The following PCDHGA1 variants were observed in gnomAD, a reference collection of about 807,000 sequenced individuals.
The protein encoded by PCDHGA1 is protocadherin gamma subfamily A, 1.
Under a neutral mutation model 58.0 loss-of-function variants are expected in PCDHGA1, and 32 were observed. The observed-to-expected ratio is 0.55, with a 90% CI of 0.42 to 0.74. The LOEUF is 0.74. PCDHGA1 is among the 30% of genes least tolerant of loss of function. The probability of loss-of-function intolerance (pLI) is 0.00; values close to 1 mark genes in which losing one functional copy is unlikely to be tolerated. For synonymous variants in PCDHGA1, 498 were observed against 501.1 expected, an observed-to-expected ratio of 0.99 and a Z score of 0.08; for missense variants, 1,205 against 1,182.3, an observed-to-expected ratio of 1.02 and a Z score of -0.28.
chr5:141,407,959 G>T, intron 1 of PCDHGA1: 1 of 668,062 alleles, frequency 1.5e-6, no homozygotes, highest in South Asian at 2.3e-5. Flanking sequence ...CCAGTGCAGA[G>T]CAAGCGCTGA....
At chr5:141,480,722 C>T (rs1002559431) in intron 1 of PCDHGA1, among the ~76,000 whole-genome samples, 1 of 152,174 alleles carries the variant, frequency 6.6e-6, no homozygotes, top group African/African-American at 2.4e-5. Flanking sequence ...AAAGCACAGT[C>T]TCTGGGGGTG....
At chr5:141,410,161 ACT>A (rs758781174) in intron 1 of PCDHGA1, 27 of 1,613,102 alleles carry the variant, frequency 1.7e-5, no homozygotes, top group South Asian at 1.1e-5. Flanking sequence ...GACAGCCGCC[ACT>A]CTCTGCCACC....
At chr5:141,336,073 C>A (rs933621868) in intron 1 of PCDHGA1, among the ~76,000 whole-genome samples, 1 of 151,868 alleles carries the variant, frequency 6.6e-6, no homozygotes, top group Non-Finnish European at 1.5e-5. Flanking sequence ...TGAGTATATA[C>A]TAAAATAAAA....
rs989554651 is a variant in PCDHGA1 at position 141,372,743 on chromosome 5, T to C, written c.2421+39638T>C. 8 of 1,613,498 alleles carry C rather than the reference T, an allele frequency of 5.0e-6. No homozygotes were observed. In the Admixed American group the frequency reaches 5.0e-5, roughly 10 times the overall value. On this transcript the variant is annotated intron_variant, in intron 1 of 3. Transcript: ENST00000517417. ...CTGCACCACAAGATCTTCTATGTGA[T>C]GAAGCCTCTTGGTTTGAAAGTAATG...
intron 1 of PCDHGA1, chr5:141,475,926 G>C: frequency 4.8e-6 from 3 of 619,440 alleles, no homozygotes; most frequent in East Asian, 2.9e-5. Context: ...GCTGGAGATC[G>C]GGCCCCTGCC....
intron 1 of PCDHGA1, chr5:141,419,027 GTTCCAT>G: frequency 6.2e-7 from 1 of 1,613,870 alleles, no homozygotes; most frequent in Non-Finnish European, 8.5e-7. Context: ...AAGTAGAGGT[GTTCCAT>G]TTAAGATTCA....
chr5:141,361,812 G>C, intron 1 of PCDHGA1: 1 of 1,613,072 alleles, frequency 6.2e-7, no homozygotes, highest in Non-Finnish European at 8.5e-7. Context: ...ATGACAATGC[G>C]CCACGGGTGC....
At chr5:141,428,120 C>A in intron 1 of PCDHGA1, 1 of 1,606,526 alleles carries the variant, frequency 6.2e-7, no homozygotes, top group Non-Finnish European at 8.5e-7. Flanking sequence ...CCATCGAGCC[C>A]GGGCTTTTCA....
intron 1 of PCDHGA1, chr5:141,399,059 A>G (rs769553635): frequency 1.2e-6 from 2 of 1,613,764 alleles, no homozygotes; most frequent in Middle Eastern, 1.6e-4. Context: ...ACCAAGGAAT[A>G]TTCAATGGTT....
chr5:141,331,665 C>T lies in PCDHGA1; in HGVS notation c.981C>T (p.Leu327=), dbSNP rs747216973. The T allele has an allele frequency of 3.1e-6, 5 of 1,614,066 alleles. No homozygotes were observed. Among genetic ancestry groups the T allele is most frequent in the South Asian group, 1.1e-5 (1 of 91,080 alleles). Residue 327 remains leucine (L), a synonymous_variant, in exon 1 of 4, where the codon CTC becomes CTT. Coordinates refer to ENST00000517417, the MANE Select transcript of PCDHGA1 (RefSeq NM_018912.3). ...TTCAAGCCCAGGATGGTGCGGGGCT[C>T]ATGGCTAAAGTTAAGGTACTGATCA... ...MEVQAQDGAG[L]MAKVKVLIKV...
rs1193457334 is a variant in PCDHGA1 at position 141,375,486 on chromosome 5, G to T, written c.2421+42381G>T. The T allele has an allele frequency of 5.0e-6, 8 of 1,613,914 alleles. No homozygotes were observed. Among genetic ancestry groups the T allele is most frequent in the Non-Finnish European group, 6.8e-6 (8 of 1,179,980 alleles). ...TATGTCCTTGAAAACAACCCCAGGG[G>T]TGCCTCCATCTTCTCTGTGAATGCA... is the stretch of plus-strand genomic sequence containing the variant. On this transcript the variant is annotated intron_variant, in intron 1 of 3. Coordinates refer to ENST00000517417, the MANE Select transcript of PCDHGA1 (RefSeq NM_018912.3).
At chr5:141,423,415 G>A (rs779262475) in intron 1 of PCDHGA1, 103 of 1,614,016 alleles carry the variant, frequency 6.4e-5, no homozygotes, top group African/African-American at 1.2e-4. Context: ...GCAGGCTTCT[G>A]AAGGCGGGTT....
intron 1 of PCDHGA1, chr5:141,395,210 A>G (rs200048432): frequency 1.2e-6 from 2 of 1,613,418 alleles, no homozygotes; most frequent in East Asian, 2.2e-5. Context: ...ATTTTCATGA[A>G]TATAAGAATG....
chr5:141,345,141 G>T, intron 1 of PCDHGA1: 1 of 1,613,954 alleles, frequency 6.2e-7, no homozygotes, highest in Non-Finnish European at 8.5e-7. Context: ...TGCTCTTATC[G>T]ACGTGCATGA....
intron 1 of PCDHGA1, chr5:141,344,687 C>A (rs1047556381): frequency 1.2e-6 from 2 of 1,613,940 alleles, no homozygotes; most frequent in Non-Finnish European, 8.5e-7. Flanking sequence ...CTGATGGTGG[C>A]GACCCTGTCC....
At chr5:141,459,302 A>T (rs1401348885) in intron 1 of PCDHGA1, among the ~76,000 whole-genome samples, 1 of 152,210 alleles carries the variant, frequency 6.6e-6, no homozygotes, top group African/African-American at 2.4e-5. Flanking sequence ...CCTATAACAT[A>T]TACTATTTTG....
rs1446853595 is a variant in PCDHGA1 at position 141,491,363 on chromosome 5, C to A, written c.2422-3444C>A. The A allele has an allele frequency of 1.2e-6, 2 of 1,614,182 alleles. No homozygotes were observed. Among genetic ancestry groups the A allele is most frequent in the South Asian group, 2.2e-5 (2 of 91,082 alleles). On this transcript the variant is annotated intron_variant, in intron 1 of 3. Coordinates refer to ENST00000517417, the MANE Select transcript of PCDHGA1 (RefSeq NM_018912.3). The surrounding 1 kb of genome is among the most constrained non-coding windows in gnomAD (Gnocchi z 6.9). ...ACCGTCAGTCTCTTATCCCTAGTCA[C>A]CTTCACCTTTCTGTCAGCGAAGTGC...
At chr5:141,437,561 C>G (rs1228292384) in intron 1 of PCDHGA1, among the ~76,000 whole-genome samples, 1 of 152,110 alleles carries the variant, frequency 6.6e-6, no homozygotes, top group Non-Finnish European at 1.5e-5. Context: ...TGACATGTAA[C>G]AGAGTATAGC....
chr5:141,366,358 C>G (rs746214325), intron 1 of PCDHGA1: 8 of 1,614,016 alleles, frequency 5.0e-6, no homozygotes, highest in Non-Finnish European at 6.8e-6. Context: ...CTGACCTAGG[C>G]AGTATCAAGA....
Sources: allele counts gnomAD v4.1 joint callset (sites outside exome capture counted in the v4.1 genomes callset), GRCh38; gene constraint gnomAD v4.1.1; non-coding constraint Gnocchi (gnomAD v3.1); transcripts MANE v1.5; gene names NCBI Gene and HGNC (gene_info 2026-07-23, HGNC 2026-07-21).